The following RYR2 variants were observed in gnomAD, a reference collection of about 807,000 sequenced individuals.
RYR2 encodes cardiac muscle ryanodine receptor-calcium release channel.
In RYR2, 227 loss-of-function variants were observed where a neutral mutation model predicts 601.1. That is an observed-to-expected ratio of 0.38 (90% CI 0.34 to 0.42). The LOEUF is 0.42. Ranked by LOEUF, RYR2 falls within the 10% of genes least tolerant of loss-of-function variation. The pLI, the probability that RYR2 is intolerant of heterozygous loss-of-function variation, is 1.00. For synonymous variants in RYR2, 2,223 were observed against 2,175.1 expected, an observed-to-expected ratio of 1.02 and a Z score of -0.61; for missense variants, 4,646 against 6,156.5, an observed-to-expected ratio of 0.75 and a Z score of 8.21.
At chr1:237,711,165 T>C (rs926929281) in intron 70 of RYR2, among the ~76,000 whole-genome samples, 17 of 152,190 alleles carry the variant, frequency 1.1e-4, no homozygotes, top group African/African-American at 3.4e-4. Flanking sequence ...AATCATACTT[T>C]CAAGAATAAG....
intron 1 of RYR2, among the ~76,000 whole-genome samples, chr1:237,056,270 AC>A (rs1662030501): frequency 6.9e-6 from 1 of 144,360 alleles, no homozygotes; most frequent in African/African-American, 2.6e-5. Context: ...ATGTGTGAGG[AC>A]TAGAGACTAT....
intron 1 of RYR2, among the ~76,000 whole-genome samples, chr1:237,118,972 T>C (rs190363466): frequency 6.6e-6 from 1 of 152,282 alleles, no homozygotes; most frequent in Admixed American, 6.5e-5. Flanking sequence ...GAAACCATTC[T>C]GACTGGGTGA....
intron 62 of RYR2, among the ~76,000 whole-genome samples, chr1:237,683,133 T>C (rs1411534601): frequency 1.3e-5 from 2 of 152,210 alleles, no homozygotes; most frequent in Non-Finnish European, 2.9e-5. Flanking sequence ...ACTCAATAGA[T>C]AGAAAACTGG....
Position 237,778,753 on chromosome 1 carries a change from C to T in RYR2, c.11863C>T (p.Gln3955Ter). 1 of 1,600,870 alleles carries T rather than the reference C, an allele frequency of 6.2e-7. No homozygotes were observed. Among genetic ancestry groups the T allele is most frequent in the Non-Finnish European group, 8.6e-7 (1 of 1,168,248 alleles). Residue 3955 changes from glutamine to a stop codon, truncating the protein, a stop_gained, in exon 88 of 105, where the codon CAG becomes TAG. Coordinates refer to ENST00000366574, the MANE Select transcript of RYR2 (RefSeq NM_001035.3). LOFTEE classifies it high-confidence loss of function. ...CTTTCTTCATGTGTTTGCCCATATG[C>T]AGATGAAGCTGTCGCAGGTAAACTA... The part of the protein sequence containing the change: ...VGFLHVFAHM[Q>*]MKLSQDSSQI...
intron 23 of RYR2, among the ~76,000 whole-genome samples, chr1:237,510,588 T>C (rs1176273267): frequency 6.6e-6 from 1 of 152,154 alleles, no homozygotes; most frequent in Non-Finnish European, 1.5e-5. Flanking sequence ...AAGGAATAAA[T>C]ACATCATTTC....
At chr1:237,302,015 T>C (rs1161279924) in intron 2 of RYR2, among the ~76,000 whole-genome samples, 1 of 152,216 alleles carries the variant, frequency 6.6e-6, no homozygotes, top group Non-Finnish European at 1.5e-5. Flanking sequence ...TTTGACACTG[T>C]TCTCTTTGAA....
intron 24 of RYR2, among the ~76,000 whole-genome samples, chr1:237,516,288 G>GT (rs1395054649): frequency 7.4e-6 from 1 of 134,456 alleles, no homozygotes; most frequent in East Asian, 2.2e-4. Context: ...TTTTTCTTTC[G>GT]TATTTTTTTT....
At chr1:237,288,550 T>G (rs1572485274) in intron 2 of RYR2, among the ~76,000 whole-genome samples, 1 of 151,732 alleles carries the variant, frequency 6.6e-6, no homozygotes, top group African/African-American at 2.4e-5. Context: ...AGGAGGATTA[T>G]GGCTGCCTCT....
In RYR2 at chr1:237,788,154, A is replaced by T. The variant is rs547724716; in HGVS notation, c.13476+19A>T. ...ACTTCTAGTAAGATGTTTTAGAATG[A>T]ATATTGTTACTGATATAGTGCAATA... On this transcript the variant is annotated intron_variant, in intron 92 of 104. Coordinates refer to ENST00000366574, the MANE Select transcript of RYR2 (RefSeq NM_001035.3). 4.4e-6 allele frequency: 7 copies of T among 1,584,758 alleles called. 1 individual carries two copies. The highest frequency in any genetic ancestry group is 6.0e-6 in the Non-Finnish European group (7 of 1,158,664).
At chr1:237,602,324 A>T (rs1419607202) in intron 35 of RYR2, among the ~76,000 whole-genome samples, 1 of 152,016 alleles carries the variant, frequency 6.6e-6, no homozygotes, top group Non-Finnish European at 1.5e-5. Flanking sequence ...TATGTATATT[A>T]TTCAATAAAA....
chr1:237,306,733 C>G (rs1195336823), intron 2 of RYR2, among the ~76,000 whole-genome samples: 3 of 152,110 alleles, frequency 2.0e-5, no homozygotes, highest in African/African-American at 4.8e-5. Flanking sequence ...CCAAAAAGAG[C>G]TAGAAGGAAC....
At chr1:237,184,586 A>G (rs1679138695) in intron 1 of RYR2, among the ~76,000 whole-genome samples, 1 of 152,200 alleles carries the variant, frequency 6.6e-6, no homozygotes, top group South Asian at 2.1e-4. Context: ...CTTTGACAAA[A>G]ATAATACATA....
At position 237,757,726 on chromosome 1, in the gene RYR2, C is replaced by A. The variant is rs751535499; in HGVS notation, c.11275C>A (p.Leu3759Met). ...GETGPMVAAT[L>M]KLGIAILNGG... ...AACTGGACCAATGGTAGCAGCTACT[C>A]TGAAACTTGGAATTGCTATTTTAAA... The change falls in exon 82 of 105, where the codon CTG (leucine) becomes ATG (methionine). Residue 3759 changes from leucine (L) to methionine (M), a missense_variant. Coordinates refer to ENST00000366574, the MANE Select transcript of RYR2 (RefSeq NM_001035.3). 1 of 1,612,108 alleles carries A rather than the reference C, an allele frequency of 6.2e-7. No homozygotes were observed. Among genetic ancestry groups the A allele is most frequent in the South Asian group, 1.1e-5 (1 of 91,050 alleles).
intron 70 of RYR2, 60 bp downstream of exon 70, chr1:237,709,627 T>A: frequency 2.0e-6 from 2 of 1,009,350 alleles, no homozygotes; most frequent in South Asian, 1.5e-5. Context: ...CTTACTTGCC[T>A]CCTAGGTTTC....
intron 2 of RYR2, among the ~76,000 whole-genome samples, chr1:237,299,566 T>C (rs893165462): frequency 6.6e-6 from 1 of 152,178 alleles, no homozygotes; most frequent in African/African-American, 2.4e-5. Context: ...ACACCCAAGA[T>C]GCTTTTCCCA....
At chr1:237,605,416 C>T (rs1049682848) in intron 35 of RYR2, among the ~76,000 whole-genome samples, 19 of 152,080 alleles carry the variant, frequency 1.2e-4, no homozygotes, top group Non-Finnish European at 2.1e-4. Flanking sequence ...ATTGATGGGA[C>T]GTATCTCAAA....
At chr1:237,429,530 C>A (rs1026711230) in intron 12 of RYR2, among the ~76,000 whole-genome samples, 1 of 152,134 alleles carries the variant, frequency 6.6e-6, no homozygotes, top group Non-Finnish European at 1.5e-5. Context: ...CCTCCACAGA[C>A]TGCTGCCTGA....
Position 237,772,079 on chromosome 1 carries a change from A to T in RYR2, c.11625A>T (p.Val3875=). The part of the protein sequence containing the change: ...NTTVNIIIST[V]DYLLRVQESI... ...CTGTCAACATAATTATCTCCACTGT[A>T]GACTACCTACTGAGAGTTCAGGTAT... Residue 3875 remains valine (V), a synonymous_variant, in exon 86 of 105, where the codon GTA becomes GTT. Coordinates refer to ENST00000366574, the MANE Select transcript of RYR2 (RefSeq NM_001035.3). The T allele has an allele frequency of 6.5e-7, 1 of 1,537,584 alleles. No homozygotes were observed. The highest frequency in any genetic ancestry group is 1.2e-5 in the South Asian group (1 of 84,492).
chr1:237,098,379 TTGTGTGTATGTGTGTGTGTGTGTGTGTG>T (rs1202188445), intron 1 of RYR2, among the ~76,000 whole-genome samples: 1 of 58,728 alleles, frequency 1.7e-5, no homozygotes, highest in African/African-American at 3.6e-5. Context: ...ATAGTTGCCA[TTGTGTGTATGTGTGTGTGTGTGTGTGTG>T]TGTGTGTGTG....
Sources: gnomAD v4.1 joint callset for allele counts (sites outside exome capture counted in the v4.1 genomes callset) on GRCh38, gnomAD v4.1.1 for gene constraint, MANE v1.5 for transcripts, NCBI Gene and HGNC (gene_info 2026-07-23, HGNC 2026-07-21) for gene names.